The following CSMD3 variants were observed in gnomAD, a reference collection of about 807,000 sequenced individuals.
CSMD3 encodes CUB and sushi domain-containing protein 3.
CSMD3 carries 177 observed loss-of-function variants against 435.2 expected under a neutral mutation model. That is an observed-to-expected ratio of 0.41 (90% confidence interval 0.36 to 0.46). The LOEUF (loss-of-function observed/expected upper bound fraction) is 0.46. CSMD3 is among the 20% of genes least tolerant of loss of function. CSMD3 has a pLI of 0.34. For missense variants in CSMD3, 4,265 were observed against 4,504.6 expected, an observed-to-expected ratio of 0.95 and a Z score of 1.52; for synonymous variants, 1,656 against 1,520.5, an observed-to-expected ratio of 1.09 and a Z score of -2.07.
chr8:112,811,363 T>C (rs2079222859), intron 12 of CSMD3, among the ~76,000 whole-genome samples: 2 of 151,838 alleles, frequency 1.3e-5, no homozygotes, highest in African/African-American at 2.4e-5. Context: ...TTGTAGATGC[T>C]TTCTTTTTCT....
At chr8:112,513,611 A>G (rs1823361823) in intron 28 of CSMD3, among the ~76,000 whole-genome samples, 1 of 152,234 alleles carries the variant, frequency 6.6e-6, no homozygotes, top group Non-Finnish European at 1.5e-5. Context: ...TAATACAGGG[A>G]CATGAAGTGA....
intron 23 of CSMD3, among the ~76,000 whole-genome samples, chr8:112,574,157 C>A (rs1695026622): frequency 1.3e-5 from 2 of 151,922 alleles, no homozygotes; most frequent in Admixed American, 1.3e-4. Flanking sequence ...TAAAGGAGGT[C>A]TAAATGCTTT....
intron 24 of CSMD3, among the ~76,000 whole-genome samples, chr8:112,565,008 T>A (rs1828950871): frequency 6.6e-6 from 1 of 152,120 alleles, no homozygotes; most frequent in African/African-American, 2.4e-5. Flanking sequence ...TAAGTTTAAA[T>A]TTACTAAACT....
chr8:113,378,050 G>T (rs2094397018), intron 1 of CSMD3, among the ~76,000 whole-genome samples: 1 of 152,012 alleles, frequency 6.6e-6, no homozygotes. Context: ...TCTTTAAATA[G>T]ATTTTTCTGG....
rs771506187 is a variant in CSMD3 at position 113,314,641 on chromosome 8, C to A, written c.331G>T (p.Ala111Ser). The A allele has an allele frequency of 1.7e-5, 28 of 1,611,154 alleles. No individual in the cohort carries two copies. The highest frequency in any genetic ancestry group is 4.5e-5 in the East Asian group (2 of 44,754). Residue 111 changes from alanine (A) to serine (S), a missense_variant, in exon 2 of 71, where the codon GCT becomes TCT. This residue lies in a region of CSMD3 where 731 missense variants were observed against 755.4 expected (regional missense o/e 0.97). Coordinates refer to ENST00000297405, the MANE Select transcript of CSMD3 (RefSeq NM_198123.2). The stretch of plus-strand genomic sequence containing the variant: ...AAGTAGTCGTATTCTTCTTCTAGAG[C>A]AAATGACTGAAAAACAATTTGTATT... ...NRIQIVFQSF[A>S]LEEEYDYLSL...
chr8:112,631,832 G>A (rs145045664), intron 22 of CSMD3, among the ~76,000 whole-genome samples: 190 of 151,912 alleles, frequency 1.3e-3, no homozygotes, highest in Non-Finnish European at 1.7e-3. Context: ...AACTCATACT[G>A]GCATCATCCT....
intron 61 of CSMD3, 54 bp downstream of exon 61, chr8:112,263,585 T>A (rs2130378248): frequency 6.9e-7 from 1 of 1,457,198 alleles, no homozygotes; most frequent in Admixed American, 1.8e-5. Flanking sequence ...TCATATTTGG[T>A]CTAGAAAAAT....
chr8:112,780,984 G>T (rs1259931578), intron 13 of CSMD3, among the ~76,000 whole-genome samples: 2 of 152,030 alleles, frequency 1.3e-5, no homozygotes, highest in African/African-American at 4.8e-5. Flanking sequence ...ACACCAGCTG[G>T]GGCAGTTAAA....
chr8:112,829,503 A>G (rs1224059122), intron 12 of CSMD3, among the ~76,000 whole-genome samples, 183 bp downstream of exon 12: 1 of 152,196 alleles, frequency 6.6e-6, no homozygotes, highest in African/African-American at 2.4e-5. Context: ...GAACTGAGAC[A>G]AAGTGCCTTA....
At chr8:112,300,380 C>A (rs1820802873) in intron 53 of CSMD3, among the ~76,000 whole-genome samples, 1 of 150,980 alleles carries the variant, frequency 6.6e-6, no homozygotes, top group African/African-American at 2.4e-5. Context: ...ATTAGTACAA[C>A]CAAAATCAGT....
At chr8:112,843,967 A>G (rs2080249951) in intron 11 of CSMD3, among the ~76,000 whole-genome samples, 1 of 151,894 alleles carries the variant, frequency 6.6e-6, no homozygotes. Flanking sequence ...CTTTTATAAC[A>G]GCATCCAGAC....
chr8:112,410,630 A>ATATATATGTATATATATGTG (rs1563913128), intron 32 of CSMD3, among the ~76,000 whole-genome samples: 1,782 of 80,058 alleles, frequency 0.022, 162 homozygotes, highest in Non-Finnish European at 0.034. Context: ...ATATATGTGT[A>ATATATATGTATATATATGTG]TATATATGTA....
At chr8:113,018,903 A>G in intron 6 of CSMD3, 164 bp downstream of exon 6, 1 of 639,248 alleles carries the variant, frequency 1.6e-6, no homozygotes, top group Non-Finnish European at 2.8e-6. Flanking sequence ...TAATACTGTA[A>G]TTTAGTTATG....
intron 13 of CSMD3, among the ~76,000 whole-genome samples, chr8:112,722,981 G>A (rs2076891454): frequency 6.6e-6 from 1 of 151,118 alleles, no homozygotes; most frequent in Non-Finnish European, 1.5e-5. Context: ...GAAATCTTTA[G>A]ATGACATATT....
chr8:112,950,114 T>C (rs565384428), intron 8 of CSMD3, among the ~76,000 whole-genome samples: 7 of 152,098 alleles, frequency 4.6e-5, no homozygotes, highest in African/African-American at 1.4e-4. Context: ...TAGTTATCTA[T>C]AGAAAAAGAT....
intron 3 of CSMD3, among the ~76,000 whole-genome samples, chr8:113,270,191 C>CA (rs1165625767): frequency 1.3e-5 from 2 of 151,946 alleles, no homozygotes; most frequent in East Asian, 3.9e-4. Context: ...TTTATGTAGC[C>CA]AACAGACACA....
intron 32 of CSMD3, among the ~76,000 whole-genome samples, chr8:112,449,337 G>A (rs560575829): frequency 6.6e-6 from 1 of 152,102 alleles, no homozygotes; most frequent in East Asian, 1.9e-4. Context: ...TCTTCTAATG[G>A]TGTGGTATAA....
At chr8:112,362,094 C>T (rs1177227539) in intron 38 of CSMD3, among the ~76,000 whole-genome samples, 2 of 151,922 alleles carry the variant, frequency 1.3e-5, no homozygotes, top group African/African-American at 4.8e-5. Flanking sequence ...AAACGGTGAA[C>T]CCAATATGAG....
intron 47 of CSMD3, among the ~76,000 whole-genome samples, chr8:112,316,131 G>A (rs1822438634): frequency 2.0e-5 from 3 of 151,582 alleles, no homozygotes; most frequent in South Asian, 2.1e-4. Flanking sequence ...CTTGAAAACC[G>A]GCCAGAACTA....
Sources: gnomAD v4.1 joint callset for allele counts (sites outside exome capture counted in the v4.1 genomes callset) on GRCh38, gnomAD v4.1.1 for gene constraint, gnomAD v4.1.1 regional missense constraint, MANE v1.5 for transcripts, NCBI Gene and HGNC (gene_info 2026-07-23, HGNC 2026-07-21) for gene names.